ADAM12: variants seen among roughly 807,000 people sequenced by gnomAD.
The protein encoded by ADAM12 is disintegrin and metalloproteinase domain-containing protein 12.
A neutral mutation model predicts 106.4 loss-of-function variants in ADAM12; 70 were observed. The observed-to-expected ratio is 0.66, with a 90% CI of 0.54 to 0.80. The LOEUF is 0.80. Ranked by LOEUF, ADAM12 falls within the 30% of genes least tolerant of loss-of-function variation. ADAM12 has a pLI of 0.00. For missense variants in ADAM12, 1,010 were observed against 1,171.9 expected, an observed-to-expected ratio of 0.86 and a Z score of 2.02; for synonymous variants, 420 against 433.5, an observed-to-expected ratio of 0.97 and a Z score of 0.39.
chr10:126,252,962 A>C (rs1403087335), intron 3 of ADAM12, among the ~76,000 whole-genome samples: 1 of 151,870 alleles, frequency 6.6e-6, no homozygotes, highest in Non-Finnish European at 1.5e-5. Flanking sequence ...TCTTCTTTGG[A>C]ATTTCTCTGG....
intron 1 of ADAM12, among the ~76,000 whole-genome samples, chr10:126,376,633 CAAAT>C (rs1386376388): frequency 6.6e-6 from 1 of 152,060 alleles, no homozygotes; most frequent in Non-Finnish European, 1.5e-5. Context: ...TTAAAGGGAA[CAAAT>C]AAATAGAGAA....
At chr10:126,350,978 G>T (rs1290007991) in intron 1 of ADAM12, among the ~76,000 whole-genome samples, 1 of 152,126 alleles carries the variant, frequency 6.6e-6, no homozygotes, top group Non-Finnish European at 1.5e-5. Context: ...GCTCATGCTG[G>T]TCTTCCATCA....
In ADAM12 at chr10:126,337,183, C is replaced by A. The variant is rs369022773; in HGVS notation, c.89-6674G>T. ...GAGGCTGGTAGTGGCTCTGTCAAAG[C>A]CCGAAAGCCTCAAAACCAGGGAAGC... On this transcript the variant is annotated intron_variant, in intron 1 of 22. Coordinates refer to ENST00000448723, the MANE Select transcript of ADAM12 (RefSeq NM_001288973.2). 1.2e-3 allele frequency among the ~76,000 whole-genome samples: 186 copies of A among 152,282 alleles called. 1 individual carries two copies. The highest frequency in any genetic ancestry group is 4.4e-3 in the African/African-American group (181 of 41,534).
intron 3 of ADAM12, among the ~76,000 whole-genome samples, chr10:126,257,576 C>T (rs1161778821): frequency 1.3e-5 from 2 of 152,144 alleles, no homozygotes; most frequent in African/African-American, 2.4e-5. Context: ...TTAAATAAAA[C>T]TCTATCCACA....
chr10:126,323,555 G>A (rs1258831342), intron 2 of ADAM12, among the ~76,000 whole-genome samples: 4 of 152,176 alleles, frequency 2.6e-5, no homozygotes, highest in Non-Finnish European at 4.4e-5. Context: ...CACGGATAAA[G>A]TCTCAGAGTC....
intron 1 of ADAM12, among the ~76,000 whole-genome samples, chr10:126,359,020 G>A (rs954246823): frequency 6.6e-6 from 1 of 152,158 alleles, no homozygotes; most frequent in Non-Finnish European, 1.5e-5. Context: ...GCAAGGAGGA[G>A]CAAGTCATGT....
In ADAM12 at chr10:126,276,847, C is replaced by T. The variant is rs147778833; in HGVS notation, c.260+2068G>A. Among the ~76,000 whole-genome samples the T allele has an allele frequency of 7.1e-3, 1,085 of 152,206 alleles. 11 individuals are homozygous for T. The highest frequency in any genetic ancestry group is 0.025 in the African/African-American group (1,030 of 41,534). The stretch of plus-strand genomic sequence containing the variant: ...GAACAAATTAAGTCACCTTTTAAAA[C>T]GATATTTATACAAATTAGCTACTCT... On this transcript the variant is annotated intron_variant, in intron 3 of 22. Coordinates refer to ENST00000448723, the MANE Select transcript of ADAM12 (RefSeq NM_001288973.2).
At chr10:126,061,084 C>T (rs571508944) in intron 14 of ADAM12, among the ~76,000 whole-genome samples, 23 of 152,348 alleles carry the variant, frequency 1.5e-4, no homozygotes, top group South Asian at 6.2e-4. Context: ...CACTATTCCA[C>T]GGCAACCTTG....
chr10:126,190,398 G>A (rs1957477962), intron 3 of ADAM12, among the ~76,000 whole-genome samples: 1 of 151,882 alleles, frequency 6.6e-6, no homozygotes, highest in South Asian at 2.1e-4. Flanking sequence ...GTAGAGATGG[G>A]TTTCACCATG....
intron 8 of ADAM12, among the ~76,000 whole-genome samples, chr10:126,104,929 A>G (rs538913608): frequency 6.6e-6 from 1 of 152,326 alleles, no homozygotes; most frequent in Admixed American, 6.5e-5. Flanking sequence ...TCATTTGTAG[A>G]GTTGAAAAAC....
At chr10:126,056,134 T>C (rs140088488) in intron 14 of ADAM12, among the ~76,000 whole-genome samples, 19 of 152,320 alleles carry the variant, frequency 1.2e-4, no homozygotes, top group African/African-American at 4.3e-4. Flanking sequence ...AAGGTTAACT[T>C]TCTGTCTACC....
At chr10:126,242,028 A>AT (rs937520899) in intron 3 of ADAM12, among the ~76,000 whole-genome samples, 5 of 150,430 alleles carry the variant, frequency 3.3e-5, no homozygotes, top group African/African-American at 1.2e-4. Context: ...TCTTAGACTG[A>AT]TTTTCCCCCC....
chr10:126,288,497 G>C (rs889954162), intron 2 of ADAM12, among the ~76,000 whole-genome samples: 1 of 152,198 alleles, frequency 6.6e-6, no homozygotes, highest in Non-Finnish European at 1.5e-5. Flanking sequence ...CAGGACTTTT[G>C]ATAAAATCTG....
At chr10:126,299,591 C>T (rs1019466125) in intron 2 of ADAM12, among the ~76,000 whole-genome samples, 2 of 152,156 alleles carry the variant, frequency 1.3e-5, no homozygotes, top group Non-Finnish European at 2.9e-5. Context: ...TACATGAATG[C>T]TCATGTTGAA....
Position 126,043,696 on chromosome 10 carries a change from C to T in ADAM12, c.1996-548G>A, listed in dbSNP as rs1368510343. 2.0e-5 allele frequency among the ~76,000 whole-genome samples: 3 copies of T among 152,190 alleles called. No individual in the cohort carries two copies. Among genetic ancestry groups the T allele is most frequent in the Non-Finnish European group, 4.4e-5 (3 of 68,010 alleles). ...CAAAGGAATCCTGTTTCCTGCAATCCTAGCAGGGTGCATGGGATTTCCACT... is the reference window on the plus strand; with the variant it reads ...CAAAGGAATCCTGTTTCCTGCAATCTTAGCAGGGTGCATGGGATTTCCACT... On this transcript the variant is annotated intron_variant, in intron 17 of 22. Coordinates refer to ENST00000448723, the MANE Select transcript of ADAM12 (RefSeq NM_001288973.2). This position sits in a 1 kb window ranked among gnomAD's most constrained non-coding sequence, Gnocchi z 4.1.
chr10:126,120,266 A>G (rs1956061301), intron 5 of ADAM12, among the ~76,000 whole-genome samples: 1 of 152,244 alleles, frequency 6.6e-6, no homozygotes, highest in South Asian at 2.1e-4. Flanking sequence ...GAGAAAAGGC[A>G]TACAATTTTA....
At position 126,036,293 on chromosome 10, in the gene ADAM12, A is replaced by G. The variant is rs1270402015; in HGVS notation, c.2382T>C (p.Asn794=). The change falls in exon 21 of 23, where the codon AAT becomes AAC. Residue 794 remains asparagine (N), a synonymous_variant. Coordinates refer to ENST00000448723, the MANE Select transcript of ADAM12 (RefSeq NM_001288973.2). ...CGTTGAGGGGTCTGCTGATGTCAAC[A>G]TTCTGACACTGCAGCAATCTCCTGG... ...DNPRRLLQCQ[N]VDISRPLNGL... The G allele has an allele frequency of 1.3e-6, 2 of 1,564,820 alleles. No individual in the cohort carries two copies. The highest frequency in any genetic ancestry group is 2.8e-5 in the African/African-American group (2 of 71,480).
chr10:126,267,502 C>A (rs1342103756), intron 3 of ADAM12, among the ~76,000 whole-genome samples: 1 of 152,210 alleles, frequency 6.6e-6, no homozygotes, highest in Non-Finnish European at 1.5e-5. Flanking sequence ...AGCGACAGAT[C>A]ATCAGGCATT....
At chr10:126,233,308 A>C (rs1035024273) in intron 3 of ADAM12, among the ~76,000 whole-genome samples, 9 of 152,172 alleles carry the variant, frequency 5.9e-5, no homozygotes, top group African/African-American at 2.2e-4. Context: ...GCCTCGTCAC[A>C]GAACCAGGTA....
Sources: gnomAD v4.1 joint callset for allele counts (sites outside exome capture counted in the v4.1 genomes callset) on GRCh38, gnomAD v4.1.1 for gene constraint, Gnocchi (gnomAD v3.1) non-coding constraint, MANE v1.5 for transcripts, NCBI Gene and HGNC (gene_info 2026-07-23, HGNC 2026-07-21) for gene names.